FAM114A2: variants seen among roughly 807,000 people sequenced by gnomAD.
FAM114A2 encodes the protein family with sequence similarity 114 member A2.
A neutral mutation model predicts 58.4 loss-of-function variants in FAM114A2; 53 were observed. The observed-to-expected ratio is 0.91, with a 90% CI of 0.73 to 1.14. The LOEUF (loss-of-function observed/expected upper bound fraction) is 1.14, where lower values mean the gene tolerates loss of function less well. FAM114A2 is among the 50% of genes most tolerant of loss of function. The probability of loss-of-function intolerance (pLI) is 0.00; values close to 1 mark genes in which losing one functional copy is unlikely to be tolerated. For synonymous variants in FAM114A2, 228 were observed against 211.4 expected, an observed-to-expected ratio of 1.08 and a Z score of -0.68; for missense variants, 601 against 581.1, an observed-to-expected ratio of 1.03 and a Z score of -0.35.
At chr5:154,033,933 G>A in intron 3 of FAM114A2, 50 bp from the exon 4 acceptor site, 1 of 1,168,782 alleles carries the variant, frequency 8.6e-7, no homozygotes, top group East Asian at 2.4e-5. Flanking sequence ...CAAAACTGAA[G>A]AAACAAAAAT....
chr5:153,998,016 TC>T (rs1336060981), intron 11 of FAM114A2, 141 bp from the exon 12 acceptor site: 17 of 523,080 alleles, frequency 3.2e-5, no homozygotes, highest in Non-Finnish European at 4.8e-5. Flanking sequence ...AAATACAGTA[TC>T]CCCCCCTTAT....
chr5:154,014,069 T>C (rs1770866727), intron 8 of FAM114A2, among the ~76,000 whole-genome samples: 1 of 152,198 alleles, frequency 6.6e-6, no homozygotes, highest in Non-Finnish European at 1.5e-5. Context: ...CCAAAACCCA[T>C]CCTTTTATTC....
intron 12 of FAM114A2, among the ~76,000 whole-genome samples, chr5:153,995,638 G>T (rs962860251): frequency 6.6e-6 from 1 of 152,058 alleles, no homozygotes; most frequent in Non-Finnish European, 1.5e-5. Context: ...TAAAATTTAA[G>T]AACCCACAGT....
chr5:154,023,121 C>A (rs1581816030), intron 8 of FAM114A2, among the ~76,000 whole-genome samples: 2 of 152,116 alleles, frequency 1.3e-5, no homozygotes, highest in East Asian at 3.9e-4. Context: ...GAACATCACA[C>A]ACCTGGGCCT....
intron 10 of FAM114A2, 103 bp from the exon 11 acceptor site, chr5:154,002,493 T>C: frequency 3.2e-6 from 4 of 1,234,990 alleles, no homozygotes; most frequent in East Asian, 2.5e-5. Context: ...AGACTAATAG[T>C]TGCCTTCCAA....
chr5:154,016,466 T>A (rs1771047388), intron 8 of FAM114A2, among the ~76,000 whole-genome samples: 1 of 152,148 alleles, frequency 6.6e-6, no homozygotes, highest in African/African-American at 2.4e-5. Context: ...ATCTTCAGCC[T>A]CCTCAAACAA....
chr5:153,998,291 T>C (rs750361408), intron 11 of FAM114A2, among the ~76,000 whole-genome samples: 17 of 152,224 alleles, frequency 1.1e-4, no homozygotes, highest in Non-Finnish European at 2.4e-4. Flanking sequence ...GTTATCACAG[T>C]GCTTATGTTC....
At chr5:154,003,702 TATAA>T (rs1218974234) in intron 9 of FAM114A2, among the ~76,000 whole-genome samples, 1 of 152,200 alleles carries the variant, frequency 6.6e-6, no homozygotes, top group African/African-American at 2.4e-5. Context: ...TTCTGCTCAC[TATAA>T]ATAATTTTTC....
intron 8 of FAM114A2, among the ~76,000 whole-genome samples, chr5:154,020,333 A>G (rs1234402245): frequency 1.3e-5 from 2 of 151,778 alleles, no homozygotes; most frequent in Non-Finnish European, 2.9e-5. Flanking sequence ...ACACAAAAAA[A>G]CCCTTCAAAA....
intron 9 of FAM114A2, among the ~76,000 whole-genome samples, chr5:154,008,674 A>ATG (rs375012511): frequency 0.057 from 8,590 of 151,368 alleles, 283 homozygotes; most frequent in Middle Eastern, 0.18. Flanking sequence ...CTATATGTGT[A>ATG]TGTGTGTGTG....
chr5:154,012,377 C>T (rs746834235), intron 8 of FAM114A2, among the ~76,000 whole-genome samples: 24 of 152,314 alleles, frequency 1.6e-4, no homozygotes, highest in South Asian at 4.1e-4. Flanking sequence ...CCTCTCCACT[C>T]ATCTGAATCC....
At chr5:153,994,877 C>T (rs377331205) in intron 13 of FAM114A2, 42 bp downstream of exon 13, 115 of 1,298,484 alleles carry the variant, frequency 8.9e-5, no homozygotes, top group African/African-American at 7.3e-5. Context: ...GTTAATTATA[C>T]GTAATACCTT....
At chr5:154,033,304 A>G (rs926449271) in intron 4 of FAM114A2, among the ~76,000 whole-genome samples, 5 of 152,238 alleles carry the variant, frequency 3.3e-5, no homozygotes, top group African/African-American at 1.2e-4. Context: ...TTATAATTCT[A>G]GCCTTCATAG....
chr5:154,017,301 G>A (rs1440763774), intron 8 of FAM114A2, among the ~76,000 whole-genome samples: 1 of 152,166 alleles, frequency 6.6e-6, no homozygotes, highest in Non-Finnish European at 1.5e-5. Flanking sequence ...AATTAGCCAG[G>A]CGTGGTGGCA....
chr5:154,030,472 A>T (rs1055212936), intron 4 of FAM114A2, among the ~76,000 whole-genome samples: 3 of 152,256 alleles, frequency 2.0e-5, no homozygotes, highest in African/African-American at 7.2e-5. Context: ...CTTCAGACAT[A>T]GGACAATAGG....
intron 8 of FAM114A2, among the ~76,000 whole-genome samples, chr5:154,014,772 A>G (rs1348015705): frequency 6.6e-6 from 1 of 152,182 alleles, no homozygotes; most frequent in African/African-American, 2.4e-5. Flanking sequence ...TGAACTTCGC[A>G]ACAATTTGAA....
chr5:154,036,610 A>T (rs976961800), intron 1 of FAM114A2: 1 of 152,230 alleles, frequency 6.6e-6, no homozygotes, highest in Non-Finnish European at 1.5e-5. Context: ...TGCTGCATTC[A>T]GTCCAACACA....
At chr5:154,018,092 C>T (rs1771160714) in intron 8 of FAM114A2, among the ~76,000 whole-genome samples, 1 of 151,970 alleles carries the variant, frequency 6.6e-6, no homozygotes, top group Admixed American at 6.6e-5. Flanking sequence ...GAAGTTGAAA[C>T]AAACAAAAAT....
chr5:153,994,851 A>G, intron 13 of FAM114A2, 68 bp downstream of exon 13: 1 of 1,037,718 alleles, frequency 9.6e-7, no homozygotes. Flanking sequence ...AGCCAAAAGC[A>G]AAAGGCTTCA....
Sources: allele counts gnomAD v4.1 joint callset (sites outside exome capture counted in the v4.1 genomes callset), GRCh38; gene constraint gnomAD v4.1.1; transcripts MANE v1.5; gene names NCBI Gene and HGNC (gene_info 2026-07-23, HGNC 2026-07-21).